The following SLC22A8 variants were observed in gnomAD, a reference collection of about 807,000 sequenced individuals.
SLC22A8 encodes the protein solute carrier family 22 member 8.
In SLC22A8, 40 loss-of-function variants were observed where a neutral mutation model predicts 48.4. The ratio of observed to expected loss-of-function variants is 0.83; its 90% CI spans 0.64 to 1.08. The LOEUF (loss-of-function observed/expected upper bound fraction) is 1.08, where lower values mean the gene tolerates loss of function less well. Among genes scored for constraint, SLC22A8 ranks in the 50% least tolerant of loss-of-function variants. SLC22A8 has a pLI of 0.00. For missense variants in SLC22A8, 606 were observed against 699.0 expected, an observed-to-expected ratio of 0.87 and a Z score of 1.50; for synonymous variants, 268 against 286.3, an observed-to-expected ratio of 0.94 and a Z score of 0.65.
At chr11:62,997,859 C>T (rs1028141616) in intron 5 of SLC22A8, among the ~76,000 whole-genome samples, 10 of 152,216 alleles carry the variant, frequency 6.6e-5, no homozygotes, top group East Asian at 1.9e-4. Context: ...ATGCCCAAAA[C>T]GGGCTGTGCA....
At chr11:63,000,499 A>G (rs1231416701) in intron 3 of SLC22A8, among the ~76,000 whole-genome samples, 1 of 151,564 alleles carries the variant, frequency 6.6e-6, no homozygotes, top group African/African-American at 2.4e-5. Flanking sequence ...GAAAAAAAAA[A>G]AAAAAAAAAA....
At chr11:63,003,447 A>T in intron 2 of SLC22A8, among the ~76,000 whole-genome samples, 1 of 151,980 alleles carries the variant, frequency 6.6e-6, no homozygotes, top group East Asian at 1.9e-4. Flanking sequence ...CCTGCATGGT[A>T]TGTGTGTTGG....
intron 5 of SLC22A8, among the ~76,000 whole-genome samples, chr11:62,997,988 G>T (rs2086443658): frequency 6.6e-6 from 1 of 151,834 alleles, no homozygotes; most frequent in Non-Finnish European, 1.5e-5. Context: ...TTTTGCTTTT[G>T]TTGCCCAGGC....
chr11:63,006,690 C>T (rs1177285475), intron 2 of SLC22A8, among the ~76,000 whole-genome samples: 2 of 139,852 alleles, frequency 1.4e-5, no homozygotes, highest in Admixed American at 1.5e-4. Context: ...TCACTGTAAC[C>T]TCTACCTCCC....
At chr11:63,007,508 T>G (rs1157380259) in intron 2 of SLC22A8, among the ~76,000 whole-genome samples, 1 of 152,132 alleles carries the variant, frequency 6.6e-6, no homozygotes, top group East Asian at 1.9e-4. Context: ...GTATTTTTAG[T>G]AGAGACGAGG....
intron 2 of SLC22A8, among the ~76,000 whole-genome samples, chr11:63,004,567 C>T (rs2086533968): frequency 6.6e-6 from 1 of 152,158 alleles, no homozygotes; most frequent in Non-Finnish European, 1.5e-5. Context: ...TCAGTGAGAC[C>T]TCCCTATTTA....
intron 8 of SLC22A8, chr11:62,994,254 C>T: frequency 1.9e-6 from 1 of 534,920 alleles, no homozygotes; most frequent in Non-Finnish European, 3.4e-6. Flanking sequence ...ACCATCTCAG[C>T]TTATCTCTAC....
intron 2 of SLC22A8, among the ~76,000 whole-genome samples, chr11:63,010,727 T>C (rs992393882): frequency 1.3e-5 from 2 of 152,172 alleles, no homozygotes; most frequent in Non-Finnish European, 2.9e-5. Flanking sequence ...CCCTGAGGCC[T>C]GGTGACCCCC....
At chr11:63,015,012 G>C in intron 1 of SLC22A8, 29 bp from the exon 2 acceptor site, 1 of 1,463,150 alleles carries the variant, frequency 6.8e-7, no homozygotes, top group Non-Finnish European at 9.2e-7. Context: ...CCAGGGAGAG[G>C]TATATTTGTG....
Position 62,998,973 on chromosome 11 carries a change from A to G in SLC22A8, c.709T>C (p.Trp237Arg). ...GLAYAIPQWR[W>R]LQLTVSIPFF... ...GGAATGGACACAGTTAACTGCAGCC[A>G]ACGCCACTGGGGGATGGCGTAGGCC... Residue 237 changes from tryptophan to arginine, a missense_variant, in exon 5 of 11, where the codon TGG becomes CGG. Coordinates refer to ENST00000336232, the MANE Select transcript of SLC22A8 (RefSeq NM_004254.4). 1.2e-6 allele frequency: 2 copies of G among 1,613,920 alleles called. No homozygotes were observed. The highest frequency in any genetic ancestry group is 1.1e-5 in the South Asian group (1 of 91,070).
chr11:63,004,397 C>T (rs2086531941), intron 2 of SLC22A8, among the ~76,000 whole-genome samples: 1 of 152,338 alleles, frequency 6.6e-6, no homozygotes, highest in South Asian at 2.1e-4. Flanking sequence ...CCCTCACATA[C>T]TCCACTCTCG....
At chr11:63,015,583 G>T (rs1244821905) in intron 1 of SLC22A8, 146 bp downstream of exon 1, 1 of 152,602 alleles carries the variant, frequency 6.6e-6, no homozygotes, top group African/African-American at 2.4e-5. Context: ...CTGGGGCTGG[G>T]CCCACCATGC....
intron 6 of SLC22A8, 54 bp from the exon 7 acceptor site, chr11:62,995,873 C>T (rs769493974): frequency 4.9e-5 from 74 of 1,520,570 alleles, no homozygotes; most frequent in Admixed American, 8.4e-5. Flanking sequence ...GTGGGCAGGA[C>T]GAAGAGAGGG....
chr11:63,007,364 C>T (rs938572938), intron 2 of SLC22A8, among the ~76,000 whole-genome samples: 2 of 147,194 alleles, frequency 1.4e-5, no homozygotes, highest in Non-Finnish European at 3.1e-5. Flanking sequence ...CTTACTCTGT[C>T]TCCCAGGCTG....
chr11:62,998,952 T>C lies in SLC22A8; in HGVS notation c.730A>G (p.Ile244Val), dbSNP rs1274031707. Reference protein sequence around the residue: ...QWRWLQLTVSIPFFVFFLSSW... With the variant: ...QWRWLQLTVSVPFFVFFLSSW... The stretch of plus-strand genomic sequence containing the variant: ...GATAGGAAGAAGACGAAGAAGGGAA[T>C]GGACACAGTTAACTGCAGCCAACGC... Residue 244 changes from isoleucine to valine, a missense_variant, in exon 5 of 11, where the codon ATT becomes GTT. Coordinates refer to ENST00000336232, the MANE Select transcript of SLC22A8 (RefSeq NM_004254.4). The C allele has an allele frequency of 6.2e-7, 1 of 1,613,192 alleles. No homozygotes were observed. Among genetic ancestry groups the C allele is most frequent in the Non-Finnish European group, 8.5e-7 (1 of 1,179,346 alleles).
intron 9 of SLC22A8, 56 bp from the exon 10 acceptor site, chr11:62,993,683 G>T: frequency 1.9e-6 from 3 of 1,595,514 alleles, no homozygotes; most frequent in Non-Finnish European, 1.7e-6. Flanking sequence ...ATAAAGGATG[G>T]CTCCCCTGGG....
intron 2 of SLC22A8, among the ~76,000 whole-genome samples, chr11:63,007,254 T>G (rs1476962579): frequency 6.6e-6 from 1 of 152,198 alleles, no homozygotes; most frequent in African/African-American, 2.4e-5. Context: ...GTGGTTCTGT[T>G]TAGTCCTCGG....
chr11:63,004,060 C>A (rs996823905), intron 2 of SLC22A8, among the ~76,000 whole-genome samples: 16 of 152,170 alleles, frequency 1.1e-4, no homozygotes, highest in Non-Finnish European at 1.3e-4. Flanking sequence ...CTTAAGAAAT[C>A]AATAATCTGT....
chr11:63,004,039 A>C (rs577772037), intron 2 of SLC22A8, among the ~76,000 whole-genome samples: 1 of 152,360 alleles, frequency 6.6e-6, no homozygotes, highest in African/African-American at 2.4e-5. Context: ...AACCTCCATG[A>C]TAATTAGTGC....
Sources: allele counts gnomAD v4.1 joint callset (sites outside exome capture counted in the v4.1 genomes callset), GRCh38; gene constraint gnomAD v4.1.1; transcripts MANE v1.5; gene names NCBI Gene and HGNC (gene_info 2026-07-23, HGNC 2026-07-21).